The following GPR89A variants were observed in gnomAD, a reference collection of about 807,000 sequenced individuals.
The protein encoded by GPR89A is G protein-coupled receptor 89A.
A neutral mutation model predicts 52.0 loss-of-function variants in GPR89A; 16 were observed. That is an observed-to-expected ratio of 0.31 (90% CI 0.21 to 0.47). The LOEUF (loss-of-function observed/expected upper bound fraction) is 0.47, where lower values mean the gene tolerates loss of function less well. Ranked by LOEUF, GPR89A falls within the 20% of genes least tolerant of loss-of-function variation. The pLI is 1.00. For synonymous variants in GPR89A, 55 were observed against 150.9 expected (o/e 0.36, Z 4.66); for missense variants, 135 against 449.4 (o/e 0.30, Z 6.33).
intron 10 of GPR89A, among the ~76,000 whole-genome samples, chr1:145,654,798 T>C (rs1333425401): frequency 2.6e-5 from 4 of 152,128 alleles, no homozygotes; most frequent in Non-Finnish European, 5.9e-5. Context: ...TGAATTTGAA[T>C]GTTGGCCTGT....
chr1:145,616,060 A>T (rs1239026857), intron 1 of GPR89A, among the ~76,000 whole-genome samples, 174 bp from the exon 2 acceptor site: 2 of 150,970 alleles, frequency 1.3e-5, no homozygotes. Flanking sequence ...GCATTTAAAA[A>T]TTTATTTCCA....
chr1:145,613,089 C>A (rs587692733), intron 1 of GPR89A, among the ~76,000 whole-genome samples: 1 of 151,570 alleles, frequency 6.6e-6, no homozygotes, highest in Non-Finnish European at 1.5e-5. Flanking sequence ...CCTTCACAAT[C>A]TGTCTTTTAT....
At chr1:145,617,774 C>G (rs1185052850) in intron 2 of GPR89A, among the ~76,000 whole-genome samples, 27 of 152,068 alleles carry the variant, frequency 1.8e-4, no homozygotes, top group Middle Eastern at 3.2e-3. Context: ...ACCCTAGACT[C>G]GACATTTCCT....
intron 5 of GPR89A, among the ~76,000 whole-genome samples, chr1:145,623,988 G>A (rs1211470446): frequency 1.3e-5 from 2 of 151,954 alleles, no homozygotes; most frequent in African/African-American, 4.8e-5. Flanking sequence ...TCATTCTAGA[G>A]TAGGAATTTT....
At chr1:145,640,349 AAG>A (rs1328972687) in intron 7 of GPR89A, among the ~76,000 whole-genome samples, 3 of 112,114 alleles carry the variant, frequency 2.7e-5, no homozygotes, top group African/African-American at 1.0e-4. Context: ...AAATCCATGA[AAG>A]GAAAAAATGG....
At chr1:145,612,872 AT>A (rs1255256672) in intron 1 of GPR89A, among the ~76,000 whole-genome samples, 3 of 151,560 alleles carry the variant, frequency 2.0e-5, no homozygotes, top group African/African-American at 7.3e-5. Flanking sequence ...CCCTAGAGTA[AT>A]TTGCATTTAC....
intron 12 of GPR89A, among the ~76,000 whole-genome samples, chr1:145,668,247 T>C (rs1226719364): frequency 6.6e-6 from 1 of 152,234 alleles, no homozygotes; most frequent in Non-Finnish European, 1.5e-5. Context: ...TTTATTTTGT[T>C]GAGCAGTGGT....
intron 8 of GPR89A, chr1:145,645,751 C>G (rs1430210503): frequency 6.6e-6 from 3 of 454,304 alleles, no homozygotes; most frequent in African/African-American, 6.0e-5. Context: ...AAGGTAATGT[C>G]TGTAAATCCT....
chr1:145,668,230 T>G (rs1248630998), intron 12 of GPR89A, among the ~76,000 whole-genome samples: 3 of 152,132 alleles, frequency 2.0e-5, no homozygotes, highest in Non-Finnish European at 4.4e-5. Flanking sequence ...ATGTGTTTGT[T>G]TCCTCTTTTA....
At chr1:145,652,323 G>A (rs1229050967) in intron 10 of GPR89A, among the ~76,000 whole-genome samples, 20 of 152,320 alleles carry the variant, frequency 1.3e-4, no homozygotes, top group African/African-American at 4.6e-4. Flanking sequence ...TGTTGAACCA[G>A]TGTTGCATAC....
At position 145,669,604 on chromosome 1, in the gene GPR89A, C is replaced by T. The variant is rs2799115; in HGVS notation, c.1096-21C>T. 6,222 of 1,603,348 alleles carry T rather than the reference C, an allele frequency of 3.9e-3. 293 individuals carry two copies. In the African/African-American group the frequency reaches 0.077, roughly 20 times the overall value. On this transcript the variant is annotated intron_variant, in intron 12 of 13. Transcript: ENST00000313835. ...GGAATCTAACACTACTGCATAAATT[C>T]ATCTCCCTCTTTCTTGACAGTTCTT...
chr1:145,616,198 A>AAT (rs2101734648), intron 1 of GPR89A, 36 bp from the exon 2 acceptor site: 1 of 1,537,894 alleles, frequency 6.5e-7, no homozygotes, highest in East Asian at 2.3e-5. Context: ...CTCAAAAGAA[A>AAT]ATATGTATTG....
chr1:145,646,114 G>A, intron 8 of GPR89A, 70 bp from the exon 9 acceptor site: 1 of 1,612,618 alleles, frequency 6.2e-7, no homozygotes, highest in South Asian at 1.1e-5. Context: ...AAAACCAAAA[G>A]TATATGCTTT....
intron 12 of GPR89A, among the ~76,000 whole-genome samples, chr1:145,667,364 G>C (rs1275763672): frequency 1.3e-5 from 2 of 151,314 alleles, no homozygotes; most frequent in African/African-American, 4.8e-5. Context: ...TCATGTGTCT[G>C]TTGGCTGCAC....
At chr1:145,616,853 T>C (rs1301968548) in intron 2 of GPR89A, among the ~76,000 whole-genome samples, 2 of 152,076 alleles carry the variant, frequency 1.3e-5, no homozygotes, top group Non-Finnish European at 2.9e-5. Flanking sequence ...AGCAAGTTTT[T>C]ATTAGGGATT....
chr1:145,660,327 T>C (rs1652106467), intron 10 of GPR89A, among the ~76,000 whole-genome samples: 1 of 152,116 alleles, frequency 6.6e-6, no homozygotes, highest in South Asian at 2.1e-4. Flanking sequence ...ACTTAAACGT[T>C]AGACCTAAAA....
Position 145,607,990 on chromosome 1 carries a change from A to C in GPR89A, c.-144A>C. ...GACGCTGATTGGCTGACTGGGGCGC[A>C]GCTTGATGGCGTCGGGCTGGAGAGC... On this transcript the variant is annotated 5_prime_UTR_variant, in exon 1 of 14. Transcript: ENST00000313835. 2.3e-6 allele frequency: 2 copies of C among 886,198 alleles called. No homozygotes were observed. Among genetic ancestry groups the C allele is most frequent in the Non-Finnish European group, 3.4e-6 (2 of 586,024 alleles). The allele number at this position is 886,198 out of a possible 1,614,324, so 54.9% of individuals were successfully genotyped here.
At chr1:145,665,842 A>C (rs1553696362) in intron 12 of GPR89A, among the ~76,000 whole-genome samples, 191 bp downstream of exon 12, 1 of 147,052 alleles carries the variant, frequency 6.8e-6, no homozygotes, top group African/African-American at 2.5e-5. Flanking sequence ...AAAATACAAC[A>C]AATTAGCTGG....
At chr1:145,647,418 T>C in intron 10 of GPR89A, 151 bp downstream of exon 10, 1 of 1,137,760 alleles carries the variant, frequency 8.8e-7, no homozygotes, top group Non-Finnish European at 1.2e-6. Context: ...TGGGCTTCAT[T>C]CGTTATCCTC....
Sources: gnomAD v4.1 joint callset for allele counts (sites outside exome capture counted in the v4.1 genomes callset) on GRCh38, gnomAD v4.1.1 for gene constraint, MANE v1.5 for transcripts, NCBI Gene and HGNC (gene_info 2026-07-23, HGNC 2026-07-21) for gene names.